Variants in BRCA1 observed in about 807,000 individuals in gnomAD.
BRCA1 encodes the protein BRCA1 DNA repair associated, also known as breast cancer type 1 susceptibility protein.
BRCA1 carries 140 observed loss-of-function variants against 173.7 expected under a neutral mutation model. The observed-to-expected ratio is 0.81, with a 90% CI of 0.70 to 0.93. The LOEUF (loss-of-function observed/expected upper bound fraction) is 0.93, where lower values mean the gene tolerates loss of function less well. BRCA1 is among the 40% of genes least tolerant of loss of function. The pLI, the probability that BRCA1 is intolerant of heterozygous loss-of-function variation, is 0.00. For synonymous variants in BRCA1, 662 were observed against 756.0 expected (o/e 0.88, Z 2.04); for missense variants, 1,983 against 2,172.5 (o/e 0.91, Z 1.73).
intron 1 of BRCA1, among the ~76,000 whole-genome samples, chr17:43,168,764 C>T (rs2056287727): frequency 1.3e-5 from 2 of 152,302 alleles, no homozygotes; most frequent in African/African-American, 2.4e-5. Context: ...TATTTTTTCA[C>T]ATATTGCTTC....
At chr17:43,153,029 T>G (rs2056172979) in intron 1 of BRCA1, among the ~76,000 whole-genome samples, 1 of 152,052 alleles carries the variant, frequency 6.6e-6, no homozygotes, top group Non-Finnish European at 1.5e-5. Flanking sequence ...AGTGAGATTC[T>G]GTCTCAAAAA....
At chr17:43,059,861 C>G (rs1412466963) in intron 18 of BRCA1, among the ~76,000 whole-genome samples, 1 of 152,120 alleles carries the variant, frequency 6.6e-6, no homozygotes, top group Non-Finnish European at 1.5e-5. Context: ...ATCTCTGCCT[C>G]CACACATAAT....
intron 1 of BRCA1, among the ~76,000 whole-genome samples, chr17:43,135,134 C>A (rs1554064): frequency 3.9e-5 from 6 of 152,186 alleles, no homozygotes; most frequent in African/African-American, 1.4e-4. Flanking sequence ...CTGCTAGTTC[C>A]TAACCCACGC....
chr17:43,067,540 C>T (rs2153691311), intron 16 of BRCA1, 68 bp downstream of exon 16: 2 of 1,325,588 alleles, frequency 1.5e-6, no homozygotes, highest in Non-Finnish European at 2.2e-6. Flanking sequence ...AGGCATGCGC[C>T]ACCGTGCCTC....
chr17:43,096,708 A>G (rs2154519546), intron 8 of BRCA1, among the ~76,000 whole-genome samples: 1 of 152,314 alleles, frequency 6.6e-6, no homozygotes, highest in South Asian at 2.1e-4. Context: ...AACAGAGGAA[A>G]GAAAGAGTTG....
chr17:43,117,773 A>C (rs1289748222), intron 2 of BRCA1, among the ~76,000 whole-genome samples: 1 of 152,094 alleles, frequency 6.6e-6, no homozygotes. Context: ...AAAACTTCAG[A>C]AAATACATCA....
intron 1 of BRCA1, chr17:43,166,060 TTCTC>T (rs1316356206): frequency 6.6e-5 from 10 of 151,662 alleles, no homozygotes; most frequent in East Asian, 1.9e-4. Flanking sequence ...CTCTCTCTCT[TTCTC>T]TCTTTCTTTC....
Position 43,076,659 on chromosome 17 carries a change from T to C in BRCA1, c.4358-45A>G, listed in dbSNP as rs869320778. ...ACAAATCTACTTTACTGCTTTGTTCTGATAGTGATAATTCAGGTTAGAATA... is the reference window on the plus strand; with the variant it reads ...ACAAATCTACTTTACTGCTTTGTTCCGATAGTGATAATTCAGGTTAGAATA... On this transcript the variant is annotated intron_variant, in intron 12 of 22. Coordinates refer to ENST00000357654, the MANE Select transcript of BRCA1 (RefSeq NM_007294.4). 5.0e-6 allele frequency: 8 copies of C among 1,602,886 alleles called. No individual in the cohort carries two copies. Among genetic ancestry groups the C allele is most frequent in the Middle Eastern group, 1.7e-4 (1 of 6,058 alleles).
rs764458412 is a variant in BRCA1, at chr17:43,092,255, C to A, written c.3276G>T (p.Glu1092Asp). ...TTCCAGGAAGACTTTGTTTATAGAC[C>A]TCAGGTTGCAAAACCCCTAATCTAA... The part of the protein sequence containing the change: ...AMLRLGVLQP[E>D]VYKQSLPGSN... Residue 1092 changes from glutamate (E) to aspartate (D), a missense_variant, in exon 10 of 23, where the codon GAG becomes GAT. Glu to Asp is a conservative substitution (Grantham distance 45, BLOSUM62 2). Transcript: ENST00000357654. 1.2e-6 allele frequency: 2 copies of A among 1,613,614 alleles called. No homozygotes were observed. The highest frequency in any genetic ancestry group is 2.2e-5 in the South Asian group (2 of 91,076).
chr17:43,145,316 A>ATTTTTTTT, intron 1 of BRCA1: 1 of 537,416 alleles, frequency 1.9e-6, no homozygotes, highest in Non-Finnish European at 3.5e-6. Flanking sequence ...ATTCAGAGGA[A>ATTTTTTTT]TTTTTTTTCT....
Position 43,072,816 on chromosome 17 carries a change from G to C in BRCA1, c.4675+1515C>G, listed in dbSNP as rs111499627. Among the ~76,000 whole-genome samples, 45,557 of 151,398 alleles carry C rather than the reference G, an allele frequency of 0.3. 7,405 individuals are homozygous for C. Among genetic ancestry groups the C allele is most frequent in the South Asian group, 0.49 (2,367 of 4,806 alleles). On this transcript the variant is annotated intron_variant, in intron 14 of 22. Coordinates refer to ENST00000357654, the MANE Select transcript of BRCA1 (RefSeq NM_007294.4). The stretch of plus-strand genomic sequence containing the variant: ...TGCCCTCAGGTGATCTGCCCGCCTC[G>C]GCCTCCCAAAGTGCTGGGATTACAG...
Position 43,100,668 on chromosome 17 carries a change from ATATATATATAAT to A in BRCA1, c.442-800_442-789del, listed in dbSNP as rs1476189263. On this transcript the variant is annotated intron_variant, in intron 6 of 22. Coordinates refer to ENST00000357654, the MANE Select transcript of BRCA1 (RefSeq NM_007294.4). ...TAACATATATATAACATATATATAT[ATATATATATAAT>A]ATATATATATATATATATATATGTA... Among the ~76,000 whole-genome samples, 23 of 24,408 alleles carry A rather than the reference ATATATATATAAT, an allele frequency of 9.4e-4. 2 individuals carry two copies. The East Asian group carries it at 0.026, about 27-fold the overall frequency. 16.0% of individuals were successfully genotyped at this position (24,408 alleles called of 152,430 possible). A position where few individuals can be genotyped will look rare whatever the true frequency, so the allele number is the denominator to read the frequency against.
rs4986846 is a variant in BRCA1 at position 43,093,299 on chromosome 17, A to C, written c.2232T>G (p.Ala744=). The C allele has an allele frequency of 1.5e-5, 25 of 1,613,976 alleles. No individual in the cohort carries two copies. Among genetic ancestry groups the C allele is most frequent in the Middle Eastern group, 3.3e-4 (2 of 6,084 alleles). Residue 744 remains alanine (A), a synonymous_variant, in exon 10 of 23, where the codon GCT becomes GCG. Transcript: ENST00000357654. The stretch of plus-strand genomic sequence containing the variant: ...TTAACATGAGATCTTTGGGGTCTTC[A>C]GCATTATTAGACACTTTAACTGTTT... The part of the protein sequence containing the change: ...KLETVKVSNN[A]EDPKDLMLSG...
At chr17:43,122,284 C>G (rs1215776284) in intron 2 of BRCA1, among the ~76,000 whole-genome samples, 2 of 152,116 alleles carry the variant, frequency 1.3e-5, no homozygotes, top group Non-Finnish European at 2.9e-5. Context: ...GAATGTTACT[C>G]ACTACTAACC....
At chr17:43,139,191 A>T (rs541125258) in intron 1 of BRCA1, among the ~76,000 whole-genome samples, 104 of 132,266 alleles carry the variant, frequency 7.9e-4, no homozygotes, top group Middle Eastern at 3.7e-3. Flanking sequence ...TTTTTTTTTT[A>T]AATTTATCAT....
At chr17:43,081,801 G>C (rs1224951845) in intron 12 of BRCA1, among the ~76,000 whole-genome samples, 1 of 152,102 alleles carries the variant, frequency 6.6e-6, no homozygotes, top group African/African-American at 2.4e-5. Context: ...TACTCCAATG[G>C]CATCCTCTCA....
intron 7 of BRCA1, among the ~76,000 whole-genome samples, chr17:43,099,107 G>A (rs558892818): frequency 2.1e-4 from 32 of 151,680 alleles, no homozygotes; most frequent in African/African-American, 7.3e-4. Flanking sequence ...ACAGGCGTGA[G>A]CCACTGCGCC....
At chr17:43,077,271 T>C (rs764332909) in intron 12 of BRCA1, among the ~76,000 whole-genome samples, 1 of 151,552 alleles carries the variant, frequency 6.6e-6, no homozygotes, top group Non-Finnish European at 1.5e-5. Context: ...GAACTAATGA[T>C]GAAATGGCAC....
rs778115859 is a variant in BRCA1, at chr17:43,067,585, T to C, written c.5074+23A>G. The stretch of plus-strand genomic sequence containing the variant: ...GGTTTTATGCAGCAGATGCAAGGTA[T>C]TCTGTAAAGGTTCTTGGTATACCTG... On this transcript the variant is annotated intron_variant, in intron 16 of 22. Transcript: ENST00000357654. The C allele has an allele frequency of 2.4e-5, 38 of 1,570,724 alleles. 1 individual carries two copies. In the Admixed American group the frequency reaches 4.2e-4, roughly 17 times the overall value.
Sources: gnomAD v4.1 joint callset for allele counts (sites outside exome capture counted in the v4.1 genomes callset) on GRCh38, gnomAD v4.1.1 for gene constraint, MANE v1.5 for transcripts, NCBI Gene and HGNC (gene_info 2026-07-23, HGNC 2026-07-21) for gene names.